Variants in MBD5 observed in about 807,000 individuals in gnomAD.
MBD5 encodes the protein methyl-CpG binding domain protein 5.
Under a neutral mutation model 117.3 loss-of-function variants are expected in MBD5, and 13 were observed. The ratio of observed to expected loss-of-function variants is 0.11; its 90% confidence interval spans 0.07 to 0.18. The LOEUF (loss-of-function observed/expected upper bound fraction) is 0.18. Among genes scored for constraint, MBD5 ranks in the 10% least tolerant of loss-of-function variants. The pLI, the probability that MBD5 is intolerant of heterozygous loss-of-function variation, is 1.00. For synonymous variants in MBD5, 727 were observed against 766.4 expected (o/e 0.95, Z 0.85); for missense variants, 1,879 against 2,093.8 (o/e 0.90, Z 2.00).
At chr2:148,372,956 G>A (rs1703896809) in intron 4 of MBD5, among the ~76,000 whole-genome samples, 2 of 152,054 alleles carry the variant, frequency 1.3e-5, no homozygotes, top group South Asian at 4.1e-4. Context: ...TAGCCTTTGA[G>A]CAATTATTCT....
chr2:148,483,860 T>G lies in MBD5; in HGVS notation c.3269T>G (p.Leu1090Trp), dbSNP rs1681247539. 6.4e-7 allele frequency: 1 copy of G among 1,550,588 alleles called. No individual in the cohort carries two copies. Among genetic ancestry groups the G allele is most frequent in the Non-Finnish European group, 8.7e-7 (1 of 1,146,972 alleles). Residue 1090 changes from leucine to tryptophan, a missense_variant, in exon 9 of 14, where the codon TTG becomes TGG. By Grantham distance (61) the Leu-to-Trp change is moderately conservative. Transcript: ENST00000642680. ...TTAATGACCTTGAATCCCCAGCTGT[T>G]GGGAGGTGTCCTGAACTCGGCATCG... Reference protein sequence around the residue: ...SGLMTLNPQLLGGVLNSASAN... With the variant: ...SGLMTLNPQLWGGVLNSASAN...
At chr2:148,107,328 A>G (rs919121393) in intron 1 of MBD5, among the ~76,000 whole-genome samples, 9 of 151,962 alleles carry the variant, frequency 5.9e-5, no homozygotes, top group Non-Finnish European at 1.3e-4. Context: ...GATTTTCTGC[A>G]GTTTCACTAT....
intron 1 of MBD5, among the ~76,000 whole-genome samples, chr2:148,059,341 C>T (rs1431025207): frequency 1.3e-5 from 2 of 151,962 alleles, no homozygotes; most frequent in Non-Finnish European, 2.9e-5. Flanking sequence ...TAAATATACA[C>T]ACTTGGTAAT....
chr2:148,378,996 A>C (rs1237519273), intron 4 of MBD5, among the ~76,000 whole-genome samples: 2 of 152,074 alleles, frequency 1.3e-5, no homozygotes, highest in African/African-American at 4.8e-5. Flanking sequence ...ACTACATGAA[A>C]TATATGAAAG....
intron 4 of MBD5, among the ~76,000 whole-genome samples, chr2:148,440,127 G>A (rs1027138151): frequency 6.6e-6 from 1 of 151,934 alleles, no homozygotes; most frequent in Non-Finnish European, 1.5e-5. Flanking sequence ...TTATTTAATG[G>A]CAGTTCCATT....
At position 148,490,580 on chromosome 2, in the gene MBD5, C is replaced by T. The variant is rs759689192; in HGVS notation, c.4948C>T (p.Pro1650Ser). The change falls in exon 11 of 14, where the codon CCC becomes TCC. Residue 1650 changes from proline (P) to serine (S), a missense_variant. Physicochemically the swap from Pro to Ser is moderately conservative, Grantham distance 74 (BLOSUM62 -1). Coordinates refer to ENST00000642680, the MANE Select transcript of MBD5 (RefSeq NM_001378120.1). ...CGTTCACAATTCATGTCAACAAAGC[C>T]CCGAGGAAGGGAAGGTATACCAATC... is the stretch of plus-strand genomic sequence containing the variant. Reference protein sequence around the residue: ...DDVHNSCQQSPEEGKVEPEKL... With the variant: ...DDVHNSCQQSSEEGKVEPEKL... 6.2e-7 allele frequency: 1 copy of T among 1,614,146 alleles called. No homozygotes were observed. The highest frequency in any genetic ancestry group is 8.5e-7 in the Non-Finnish European group (1 of 1,180,024).
chr2:148,119,027 C>G (rs1302188266), intron 1 of MBD5, among the ~76,000 whole-genome samples: 2 of 151,978 alleles, frequency 1.3e-5, no homozygotes, highest in Non-Finnish European at 2.9e-5. Context: ...GTTTTCACTT[C>G]TCTCAGGTAT....
At position 148,263,367 on chromosome 2, in the gene MBD5, G is replaced by A. The variant is rs1021909392; in HGVS notation, c.-680+29972G>A. Among the ~76,000 whole-genome samples, 5 of 152,244 alleles carry A rather than the reference G, an allele frequency of 3.3e-5. No homozygotes were observed. The East Asian group carries it at 9.7e-4, about 29-fold the overall frequency. On this transcript the variant is annotated intron_variant, in intron 3 of 13. Coordinates refer to ENST00000642680, the MANE Select transcript of MBD5 (RefSeq NM_001378120.1). The stretch of plus-strand genomic sequence containing the variant: ...TGTGTGCATTGGGAGGCAGAGAGAG[G>A]GAGGGAGACGAAGAGAGGAGAAAAC...
intron 2 of MBD5, among the ~76,000 whole-genome samples, chr2:148,197,584 G>A (rs1258515261): frequency 6.6e-6 from 1 of 152,002 alleles, no homozygotes; most frequent in Non-Finnish European, 1.5e-5. Context: ...TATATTCCAT[G>A]GAACTTAACT....
chr2:148,068,372 T>C (rs1695262573), intron 1 of MBD5, among the ~76,000 whole-genome samples: 1 of 152,186 alleles, frequency 6.6e-6, no homozygotes, highest in Non-Finnish European at 1.5e-5. Context: ...CCCGTGAATT[T>C]GCACATTCAG....
At chr2:148,494,695 C>G (rs901353279) in intron 11 of MBD5, among the ~76,000 whole-genome samples, 1 of 152,210 alleles carries the variant, frequency 6.6e-6, no homozygotes, top group Non-Finnish European at 1.5e-5. Flanking sequence ...GGCGCGGTGG[C>G]TCACGCCTGT....
At chr2:148,087,509 C>T (rs957276098) in intron 1 of MBD5, among the ~76,000 whole-genome samples, 3 of 152,202 alleles carry the variant, frequency 2.0e-5, no homozygotes, top group African/African-American at 7.2e-5. Flanking sequence ...GTATCCATGG[C>T]TGGGAGACCG....
chr2:148,042,665 A>C (rs1694396588), intron 1 of MBD5, among the ~76,000 whole-genome samples: 1 of 152,206 alleles, frequency 6.6e-6, no homozygotes, highest in Non-Finnish European at 1.5e-5. Context: ...ACTACAAATA[A>C]GGTAAATAAG....
intron 1 of MBD5, among the ~76,000 whole-genome samples, chr2:148,177,972 A>G (rs1698429326): frequency 6.6e-6 from 1 of 152,224 alleles, no homozygotes; most frequent in Admixed American, 6.5e-5. Flanking sequence ...CCTGAGCAAC[A>G]CAGGGAGACC....
intron 4 of MBD5, among the ~76,000 whole-genome samples, chr2:148,423,484 A>G (rs920554130): frequency 6.6e-6 from 1 of 152,204 alleles, no homozygotes; most frequent in African/African-American, 2.4e-5. Flanking sequence ...AAAATACTTT[A>G]CAGACAAGCA....
chr2:148,344,994 T>C (rs558353270), intron 4 of MBD5, among the ~76,000 whole-genome samples: 5 of 151,940 alleles, frequency 3.3e-5, no homozygotes, highest in African/African-American at 9.6e-5. Flanking sequence ...TTATTCACCA[T>C]CTTAGAGATA....
At chr2:148,345,119 G>A (rs1315677277) in intron 4 of MBD5, among the ~76,000 whole-genome samples, 3 of 151,512 alleles carry the variant, frequency 2.0e-5, no homozygotes, top group African/African-American at 4.8e-5. Flanking sequence ...AATGGGGGAG[G>A]CAGTTTGGAG....
chr2:148,341,341 T>G (rs1294737861), intron 3 of MBD5, among the ~76,000 whole-genome samples: 3 of 152,022 alleles, frequency 2.0e-5, no homozygotes, highest in East Asian at 1.9e-4. Context: ...TGTAAGTTTT[T>G]TTTTTTCTTG....
At chr2:148,053,179 T>C (rs1169777058) in intron 1 of MBD5, among the ~76,000 whole-genome samples, 2 of 152,178 alleles carry the variant, frequency 1.3e-5, no homozygotes. Flanking sequence ...GAGTTTTTGC[T>C]TTATGTATCT....
Sources: allele counts gnomAD v4.1 joint callset (sites outside exome capture counted in the v4.1 genomes callset), GRCh38; gene constraint gnomAD v4.1.1; transcripts MANE v1.5; gene names NCBI Gene and HGNC (gene_info 2026-07-23, HGNC 2026-07-21).